The following SV2C variants were observed in gnomAD, a reference collection of about 807,000 sequenced individuals.
SV2C encodes the protein synaptic vesicle glycoprotein 2C, also known as solute carrier family 22 member B3.
SV2C carries 49 observed loss-of-function variants against 79.7 expected under a neutral mutation model. That is an observed-to-expected ratio of 0.61 (90% CI 0.49 to 0.78). The LOEUF (loss-of-function observed/expected upper bound fraction) is 0.78, where lower values mean the gene tolerates loss of function less well. Ranked by LOEUF, SV2C falls within the 30% of genes least tolerant of loss-of-function variation. The pLI is 0.00. For missense variants in SV2C, 833 were observed against 912.9 expected (o/e 0.91, Z 1.13); for synonymous variants, 334 against 333.2 (o/e 1.00, Z -0.03).
At chr5:76,169,103 G>A (rs879445249) in intron 2 of SV2C, among the ~76,000 whole-genome samples, 8 of 152,164 alleles carry the variant, frequency 5.3e-5, no homozygotes, top group Admixed American at 5.2e-4. Flanking sequence ...GAAACAAGAG[G>A]ATAAAATATA....
the SV2C span, among the ~76,000 whole-genome samples, chr5:75,852,011 T>C: frequency 6.6e-6 from 1 of 152,084 alleles, no homozygotes; most frequent in Non-Finnish European, 1.5e-5. Flanking sequence ...GTGTCAAAAC[T>C]CAAGAGACTT....
the SV2C span, among the ~76,000 whole-genome samples, chr5:75,875,065 A>G: frequency 6.6e-6 from 1 of 151,920 alleles, no homozygotes; most frequent in East Asian, 2.0e-4. Flanking sequence ...AACAACAGCA[A>G]CAACAACAAC....
At chr5:75,954,745 A>C in the SV2C span, among the ~76,000 whole-genome samples, 7 of 149,816 alleles carry the variant, frequency 4.7e-5, no homozygotes, top group East Asian at 1.9e-4. Context: ...TCTTATACAC[A>C]AATAACCGAC....
the SV2C span, among the ~76,000 whole-genome samples, chr5:75,897,435 T>G: frequency 6.6e-6 from 1 of 151,614 alleles, no homozygotes; most frequent in Admixed American, 6.5e-5. Context: ...ATATCTCTGT[T>G]TTAGTACCAG....
At chr5:76,079,650 A>G (rs1746950655), upstream of SV2C, 3 of 347,596 alleles carry the variant, frequency 8.6e-6, no homozygotes, top group Non-Finnish European at 1.7e-5. Flanking sequence ...CTGCCACTCT[A>G]TGAAGAACAG....
In SV2C at chr5:76,325,793, C is replaced by T. The variant is rs754019954; in HGVS notation, c.*246C>T. ...TCCAAACTGTGATGCTACTGCCTCC[C>T]GCAAATCAGTGGAAGCATTTCTAAA... On this transcript the variant is annotated 3_prime_UTR_variant, in exon 13 of 13. Transcript: ENST00000502798. 1.4e-4 allele frequency: 60 copies of T among 428,594 alleles called. No homozygotes were observed. The highest frequency in any genetic ancestry group is 2.0e-4 in the Non-Finnish European group (51 of 253,954). 26.5% of individuals were successfully genotyped at this position (428,594 alleles called of 1,614,324 possible).
In SV2C at chr5:76,230,646, G is replaced by A. The variant is rs138018134; in HGVS notation, c.913+20759G>A. On this transcript the variant is annotated intron_variant, in intron 4 of 12. Coordinates refer to ENST00000502798, the MANE Select transcript of SV2C (RefSeq NM_014979.4). Reference sequence around the variant, plus strand: ...TCTACTAAAATTACAAAAATTATCTGGGCGTGATGGCGGGCACCTGTAATC... The same window carrying A: ...TCTACTAAAATTACAAAAATTATCTAGGCGTGATGGCGGGCACCTGTAATC... 2.6e-3 allele frequency among the ~76,000 whole-genome samples: 391 copies of A among 152,154 alleles called. 1 individual carries two copies. The highest frequency in any genetic ancestry group is 3.4e-3 in the Non-Finnish European group (232 of 67,982).
the SV2C span, among the ~76,000 whole-genome samples, chr5:75,980,010 TAAAC>T: frequency 6.6e-6 from 1 of 151,930 alleles, no homozygotes; most frequent in East Asian, 1.9e-4. Context: ...AAGACGCAAA[TAAAC>T]ACGATCAATA....
chr5:76,118,975 C>A (rs1748382930), intron 1 of SV2C, among the ~76,000 whole-genome samples: 1 of 152,042 alleles, frequency 6.6e-6, no homozygotes, highest in African/African-American at 2.4e-5. Flanking sequence ...AAAGCGAGAC[C>A]CTGTCTTAAA....
intron 6 of SV2C, 115 bp from the exon 7 acceptor site, chr5:76,291,106 A>C: frequency 8.0e-6 from 5 of 621,888 alleles, no homozygotes; most frequent in Non-Finnish European, 1.4e-5. Context: ...TGATTACCAA[A>C]TACCGCCTAC....
chr5:76,235,810 T>C (rs1367562977), intron 4 of SV2C, among the ~76,000 whole-genome samples: 1 of 152,178 alleles, frequency 6.6e-6, no homozygotes, highest in African/African-American at 2.4e-5. Flanking sequence ...ACTTACTTAG[T>C]ACATTTCATT....
At chr5:75,952,276 TTCCTTCCTTCCTTTCTTCCTTC>T in the SV2C span, among the ~76,000 whole-genome samples, 2 of 138,854 alleles carry the variant, frequency 1.4e-5, no homozygotes, top group Admixed American at 7.1e-5. Flanking sequence ...CCTTCCTTCC[TTCCTTCCTTCCTTTCTTCCTTC>T]CTTCCTTCCA....
intron 2 of SV2C, among the ~76,000 whole-genome samples, chr5:76,151,128 G>C (rs1032815960): frequency 6.6e-6 from 1 of 152,204 alleles, no homozygotes; most frequent in Non-Finnish European, 1.5e-5. Flanking sequence ...TCAGGAGACT[G>C]TGGTATTTGA....
At chr5:76,043,038 A>G in the SV2C span, among the ~76,000 whole-genome samples, 9 of 152,340 alleles carry the variant, frequency 5.9e-5, no homozygotes, top group East Asian at 1.5e-3. Flanking sequence ...GTCAGCTTCC[A>G]TGATATACCT....
At chr5:75,938,493 C>T in the SV2C span, among the ~76,000 whole-genome samples, 3 of 152,052 alleles carry the variant, frequency 2.0e-5, no homozygotes, top group Admixed American at 6.6e-5. Flanking sequence ...CACGACTACA[C>T]GGAATAATAT....
the SV2C span, among the ~76,000 whole-genome samples, chr5:75,916,531 G>A: frequency 6.6e-6 from 1 of 151,912 alleles, no homozygotes; most frequent in African/African-American, 2.4e-5. Flanking sequence ...CTGGAGTACA[G>A]TGGCACAATC....
chr5:76,315,073 G>T (rs1748573199), intron 12 of SV2C, among the ~76,000 whole-genome samples: 2 of 152,096 alleles, frequency 1.3e-5, no homozygotes, highest in Non-Finnish European at 2.9e-5. Flanking sequence ...GGGATCCAGG[G>T]ATTCCTGTCA....
At chr5:76,135,432 TGGA>T (rs1347912657) in intron 2 of SV2C, among the ~76,000 whole-genome samples, 10 of 151,660 alleles carry the variant, frequency 6.6e-5, no homozygotes, top group Non-Finnish European at 1.5e-4. Context: ...GGGCTGGTGG[TGGA>T]GGAGGAATCA....
chr5:76,220,549 A>G (rs1222091121), intron 4 of SV2C, among the ~76,000 whole-genome samples: 2 of 150,596 alleles, frequency 1.3e-5, no homozygotes, highest in African/African-American at 4.9e-5. Flanking sequence ...TCAGGTGCCT[A>G]TAATTCCAGC....
Sources: gnomAD v4.1 joint callset for allele counts (sites outside exome capture counted in the v4.1 genomes callset) on GRCh38, gnomAD v4.1.1 for gene constraint, MANE v1.5 for transcripts, NCBI Gene and HGNC (gene_info 2026-07-23, HGNC 2026-07-21) for gene names.